The following GADL1 variants were observed in gnomAD, a reference collection of about 807,000 sequenced individuals.
GADL1 encodes the protein acidic amino acid decarboxylase GADL1.
GADL1 carries 71 observed loss-of-function variants against 69.5 expected under a neutral mutation model. That is an observed-to-expected ratio of 1.02 (90% CI 0.84 to 1.25). GADL1 has a LOEUF of 1.25. Ranked by LOEUF, GADL1 falls within the 50% of genes most tolerant of loss-of-function variation. The pLI is 0.00. For missense variants in GADL1, 737 were observed against 631.8 expected (o/e 1.17, Z -1.79); for synonymous variants, 254 against 214.4 (o/e 1.18, Z -1.62).
At chr3:30,839,690 G>A (rs927103896) in intron 8 of GADL1, among the ~76,000 whole-genome samples, 22 of 152,146 alleles carry the variant, frequency 1.4e-4, no homozygotes, top group Admixed American at 7.2e-4. Flanking sequence ...TCCAAAATAG[G>A]TGCTGCAACA....
intron 11 of GADL1, among the ~76,000 whole-genome samples, chr3:30,829,700 A>G (rs1242865815): frequency 6.6e-6 from 1 of 151,978 alleles, no homozygotes; most frequent in Admixed American, 6.6e-5. Context: ...GTATTTAATC[A>G]ACCATTCAGT....
chr3:30,762,533 ATG>A (rs1696163328), intron 14 of GADL1, among the ~76,000 whole-genome samples: 1 of 152,180 alleles, frequency 6.6e-6, no homozygotes, highest in African/African-American at 2.4e-5. Context: ...GGTACATAAG[ATG>A]TTTTGATACA....
chr3:30,862,490 T>A (rs1698335343), intron 1 of GADL1, among the ~76,000 whole-genome samples: 1 of 152,068 alleles, frequency 6.6e-6, no homozygotes, highest in Admixed American at 6.6e-5. Context: ...AGCTTTTAGC[T>A]TCATTTCCTT....
intron 11 of GADL1, among the ~76,000 whole-genome samples, chr3:30,817,124 T>C (rs1350864432): frequency 6.6e-6 from 1 of 152,144 alleles, no homozygotes; most frequent in Non-Finnish European, 1.5e-5. Flanking sequence ...ATATGTCTTC[T>C]CTATAGTCTC....
At chr3:30,868,124 G>C (rs1698430060) in intron 1 of GADL1, among the ~76,000 whole-genome samples, 1 of 152,014 alleles carries the variant, frequency 6.6e-6, no homozygotes, top group Non-Finnish European at 1.5e-5. Context: ...ATGCATTTCT[G>C]TCATGTCTAT....
Position 30,744,933 on chromosome 3 carries a change from G to A in GADL1, c.1393-16518C>T, listed in dbSNP as rs139855590. 3.6e-3 allele frequency among the ~76,000 whole-genome samples: 550 copies of A among 152,222 alleles called. 3 individuals are homozygous for A. The highest frequency in any genetic ancestry group is 0.012 in the African/African-American group (507 of 41,530). ...TTGTAGAATAAGAAACACGAACAGC[G>A]GCGAACGAAATCTAAATAACAAGCC... On this transcript the variant is annotated intron_variant, in intron 14 of 14. Coordinates refer to ENST00000282538, the MANE Select transcript of GADL1 (RefSeq NM_207359.3).
At chr3:30,797,719 T>C (rs568727719) in intron 12 of GADL1, 214 of 152,222 alleles carry the variant, frequency 1.4e-3, no homozygotes, top group African/African-American at 5.0e-3. Context: ...ACTGTGTTTT[T>C]CCAGAGTCAG....
chr3:30,805,734 C>T (rs1031860951), intron 11 of GADL1, among the ~76,000 whole-genome samples: 5 of 66,092 alleles, frequency 7.6e-5, no homozygotes, highest in African/African-American at 2.5e-4. Context: ...AGTCCCCAGC[C>T]TTTTTTTTTT....
At chr3:30,816,208 C>A (rs562981490) in intron 11 of GADL1, among the ~76,000 whole-genome samples, 9 of 151,994 alleles carry the variant, frequency 5.9e-5, no homozygotes, top group African/African-American at 1.9e-4. Flanking sequence ...AGAGAGGAGA[C>A]CCCTAATGCA....
chr3:30,845,760 C>CGGTA (rs879472253), intron 6 of GADL1, among the ~76,000 whole-genome samples: 2 of 152,082 alleles, frequency 1.3e-5, no homozygotes, highest in East Asian at 3.9e-4. Context: ...TGCTGGCTGG[C>CGGTA]GGTAACCTGC....
intron 9 of GADL1, among the ~76,000 whole-genome samples, chr3:30,835,003 A>AT (rs1697851438): frequency 6.6e-6 from 1 of 152,140 alleles, no homozygotes; most frequent in Admixed American, 6.6e-5. Context: ...ACATTAAAGG[A>AT]TAACTGTATT....
At chr3:30,794,813 G>A (rs746802692) in intron 12 of GADL1, among the ~76,000 whole-genome samples, 1 of 152,184 alleles carries the variant, frequency 6.6e-6, no homozygotes, top group Non-Finnish European at 1.5e-5. Flanking sequence ...GATCGGTGCA[G>A]TGATCATTGG....
At chr3:30,755,805 TAAAC>T (rs1695955548) in intron 14 of GADL1, among the ~76,000 whole-genome samples, 2 of 141,328 alleles carry the variant, frequency 1.4e-5, no homozygotes, top group South Asian at 2.2e-4. Context: ...GAAAAAGATT[TAAAC>T]AAATGCCAAA....
intron 13 of GADL1, among the ~76,000 whole-genome samples, chr3:30,781,308 C>T (rs1240351079): frequency 6.6e-6 from 1 of 152,084 alleles, no homozygotes; most frequent in Non-Finnish European, 1.5e-5. Flanking sequence ...ATTTTGAGAC[C>T]ATTTGGGAAA....
intron 12 of GADL1, among the ~76,000 whole-genome samples, chr3:30,794,726 A>G (rs1383153588): frequency 6.6e-6 from 1 of 152,196 alleles, no homozygotes; most frequent in Admixed American, 6.5e-5. Context: ...ATTTCTGACA[A>G]CCCATAAAAT....
At chr3:30,873,088 C>T (rs553478318) in intron 1 of GADL1, among the ~76,000 whole-genome samples, 11 of 151,772 alleles carry the variant, frequency 7.2e-5, no homozygotes, top group Non-Finnish European at 1.3e-4. Flanking sequence ...GGCAGTGCTG[C>T]CAAAAAGAAA....
At chr3:30,832,305 T>C (rs1309118883) in intron 11 of GADL1, among the ~76,000 whole-genome samples, 1 of 151,356 alleles carries the variant, frequency 6.6e-6, no homozygotes, top group Non-Finnish European at 1.5e-5. Context: ...TAGACATGGG[T>C]TTTATTGTCA....
At chr3:30,805,104 T>C (rs1355431384) in intron 11 of GADL1, among the ~76,000 whole-genome samples, 1 of 152,222 alleles carries the variant, frequency 6.6e-6, no homozygotes, top group Admixed American at 6.5e-5. Context: ...AGAGCTAACA[T>C]TTATTGAGCT....
At chr3:30,769,386 G>A (rs745654507) in intron 14 of GADL1, among the ~76,000 whole-genome samples, 3 of 151,490 alleles carry the variant, frequency 2.0e-5, no homozygotes, top group South Asian at 2.1e-4. Context: ...ATGCACACAC[G>A]CACACACACA....
Sources: allele counts gnomAD v4.1 joint callset (sites outside exome capture counted in the v4.1 genomes callset), GRCh38; gene constraint gnomAD v4.1.1; transcripts MANE v1.5; gene names NCBI Gene and HGNC (gene_info 2026-07-23, HGNC 2026-07-21).